DOK6: variants seen among roughly 807,000 people sequenced by gnomAD.
DOK6 encodes the protein docking protein 6, also known as downstream of tyrosine kinase 6.
In DOK6, 22 loss-of-function variants were observed where a neutral mutation model predicts 44.0. The ratio of observed to expected loss-of-function variants is 0.50; its 90% confidence interval spans 0.36 to 0.71. The LOEUF (loss-of-function observed/expected upper bound fraction) is 0.71. Ranked by LOEUF, DOK6 falls within the 30% of genes least tolerant of loss-of-function variation. The probability of loss-of-function intolerance (pLI) is 0.00; values close to 1 mark genes in which losing one functional copy is unlikely to be tolerated. For missense variants in DOK6, 340 were observed against 416.4 expected (o/e 0.82, Z 1.60); for synonymous variants, 166 against 145.5 (o/e 1.14, Z -1.01).
chr18:69,817,149 T>C (rs1161262805), intron 7 of DOK6, among the ~76,000 whole-genome samples: 3 of 152,170 alleles, frequency 2.0e-5, no homozygotes, highest in Admixed American at 1.3e-4. Context: ...TCCATTTCTT[T>C]CTTATTCTTT....
chr18:69,519,290 A>G (rs1545247), intron 1 of DOK6, among the ~76,000 whole-genome samples: 63,358 of 151,628 alleles, frequency 0.42, 13,944 homozygotes, highest in Non-Finnish European at 0.49. Context: ...GTAATTTAGT[A>G]ATTTATAGTG....
chr18:69,501,243 A>G (rs1370551028), intron 1 of DOK6, among the ~76,000 whole-genome samples: 2 of 152,166 alleles, frequency 1.3e-5, no homozygotes, highest in Non-Finnish European at 1.5e-5. Context: ...GATGATCTCA[A>G]ACAATACTGA....
chr18:69,714,850 C>T (rs1469389444), intron 5 of DOK6, among the ~76,000 whole-genome samples: 1 of 152,136 alleles, frequency 6.6e-6, no homozygotes, highest in Admixed American at 6.5e-5. Flanking sequence ...TTGGATTATA[C>T]TTTCATTGAC....
At chr18:69,479,152 C>G (rs902688931) in intron 1 of DOK6, among the ~76,000 whole-genome samples, 32 of 151,866 alleles carry the variant, frequency 2.1e-4, no homozygotes, top group Admixed American at 7.2e-4. Context: ...TTATTATAAA[C>G]TAAAATAGAA....
At chr18:69,699,591 G>A (rs909696069) in intron 5 of DOK6, among the ~76,000 whole-genome samples, 1 of 152,048 alleles carries the variant, frequency 6.6e-6, no homozygotes, top group African/African-American at 2.4e-5. Flanking sequence ...TAGATCCTGT[G>A]TTTACTTAGT....
chr18:69,404,618 A>AT (rs1013697528), intron 1 of DOK6, among the ~76,000 whole-genome samples: 1 of 151,752 alleles, frequency 6.6e-6, no homozygotes, highest in African/African-American at 2.4e-5. Flanking sequence ...ACCTCACATC[A>AT]TTTTTTTTCA....
At chr18:69,823,469 G>A (rs62090529) in intron 7 of DOK6, among the ~76,000 whole-genome samples, 16,839 of 152,124 alleles carry the variant, frequency 0.11, 1,012 homozygotes, top group East Asian at 0.17. Flanking sequence ...AGAAGCCCAT[G>A]CCACAGCTCA....
At chr18:69,572,916 G>A (rs1983149571) in intron 2 of DOK6, among the ~76,000 whole-genome samples, 1 of 151,776 alleles carries the variant, frequency 6.6e-6, no homozygotes, top group Non-Finnish European at 1.5e-5. Context: ...TGATAGATGA[G>A]AAAAAGACAG....
rs1476990148 is a variant in DOK6, at chr18:69,712,298, AAAAAAAAAAAAAAAAAAAAAAAAAAAAAT to A, written c.599+13706_599+13734del. ...TCCGTCTCAAAAAAAAAAAAAAAAA[AAAAAAAAAAAAAAAAAAAAAAAAAAAAAT>A]TTAACCTTTTCCGAATCACATTTGT... On this transcript the variant is annotated intron_variant, in intron 5 of 7. Coordinates refer to ENST00000382713, the MANE Select transcript of DOK6 (RefSeq NM_152721.6). Among the ~76,000 whole-genome samples the A allele has an allele frequency of 8.4e-4, 101 of 120,606 alleles. 2 individuals carry two copies. The highest frequency in any genetic ancestry group is 4.6e-3 in the Middle Eastern group (1 of 218). The allele number at this position is 120,606 out of a possible 152,430, so 79.1% of individuals were successfully genotyped here.
intron 7 of DOK6, among the ~76,000 whole-genome samples, chr18:69,814,251 G>A (rs539270483): frequency 6.6e-6 from 1 of 152,284 alleles, no homozygotes; most frequent in African/African-American, 2.4e-5. Flanking sequence ...AATGAAAAAG[G>A]TAGCCTAGAC....
At chr18:69,583,983 C>T (rs1475569195) in intron 2 of DOK6, among the ~76,000 whole-genome samples, 2 of 151,408 alleles carry the variant, frequency 1.3e-5, no homozygotes, top group African/African-American at 4.8e-5. Flanking sequence ...TGGCGGGCGC[C>T]TGTAGTCCCA....
At chr18:69,498,059 T>TAC (rs959202283) in intron 1 of DOK6, among the ~76,000 whole-genome samples, 19 of 151,034 alleles carry the variant, frequency 1.3e-4, no homozygotes, top group Non-Finnish European at 1.8e-4. Flanking sequence ...CACACACAAA[T>TAC]ACACACACAC....
At chr18:69,738,752 C>A (rs1181744485) in intron 5 of DOK6, among the ~76,000 whole-genome samples, 2 of 152,106 alleles carry the variant, frequency 1.3e-5, no homozygotes, top group Admixed American at 1.3e-4. Flanking sequence ...TTTAAACATC[C>A]AAATATACAT....
chr18:69,673,514 C>T (rs1396750162), intron 3 of DOK6, among the ~76,000 whole-genome samples: 1 of 152,164 alleles, frequency 6.6e-6, no homozygotes, highest in Non-Finnish European at 1.5e-5. Flanking sequence ...AATGGAAAGA[C>T]ACTGAAACAA....
At chr18:69,601,738 G>A (rs1983877866) in intron 3 of DOK6, among the ~76,000 whole-genome samples, 1 of 152,140 alleles carries the variant, frequency 6.6e-6, no homozygotes, top group Admixed American at 6.6e-5. Context: ...CTAGCATCCA[G>A]ATCTTTCTTG....
In DOK6 at chr18:69,843,047, T is replaced by C. The variant is rs1982268824; in HGVS notation, c.*1664T>C. ...TTCATTTCAGTGAATTACTACCGAATAAAAGTGGTTCCGGATCCCTCCTAG... is the reference window on the plus strand; with the variant it reads ...TTCATTTCAGTGAATTACTACCGAACAAAAGTGGTTCCGGATCCCTCCTAG... On this transcript the variant is annotated 3_prime_UTR_variant, in exon 8 of 8. Coordinates refer to ENST00000382713, the MANE Select transcript of DOK6 (RefSeq NM_152721.6). 1 of 152,192 alleles carries C rather than the reference T, an allele frequency of 6.6e-6. No individual in the cohort carries two copies. The highest frequency in any genetic ancestry group is 2.1e-4 in the South Asian group (1 of 4,826). 9.4% of individuals were successfully genotyped at this position (152,192 alleles called of 1,614,324 possible). A position where few individuals can be genotyped will look rare whatever the true frequency, so the allele number is the denominator to read the frequency against.
At chr18:69,410,442 T>C (rs1441706698) in intron 1 of DOK6, among the ~76,000 whole-genome samples, 1 of 152,218 alleles carries the variant, frequency 6.6e-6, no homozygotes, top group African/African-American at 2.4e-5. Context: ...CATGCTAGAC[T>C]CCTCTAAACT....
At chr18:69,482,392 T>C (rs1480603220) in intron 1 of DOK6, among the ~76,000 whole-genome samples, 1 of 150,530 alleles carries the variant, frequency 6.6e-6, no homozygotes, top group African/African-American at 2.5e-5. Context: ...ATCAGAAAAC[T>C]AGAGAGGGGT....
intron 6 of DOK6, among the ~76,000 whole-genome samples, chr18:69,746,124 A>G (rs1417731458): frequency 2.6e-5 from 4 of 152,242 alleles, no homozygotes; most frequent in African/African-American, 9.6e-5. Flanking sequence ...TTAAGAATAT[A>G]CATGTTGTTA....
Sources: gnomAD v4.1 joint callset for allele counts (sites outside exome capture counted in the v4.1 genomes callset) on GRCh38, gnomAD v4.1.1 for gene constraint, MANE v1.5 for transcripts, NCBI Gene and HGNC (gene_info 2026-07-23, HGNC 2026-07-21) for gene names.